The following PPP1R12B variants were observed in gnomAD, a reference collection of about 807,000 sequenced individuals.
PPP1R12B encodes the protein myosin phosphatase target subunit 2.
PPP1R12B carries 76 observed loss-of-function variants against 126.1 expected under a neutral mutation model. The observed-to-expected ratio is 0.60, with a 90% CI of 0.50 to 0.73. PPP1R12B has a LOEUF of 0.73. PPP1R12B is among the 30% of genes least tolerant of loss of function. The pLI, the probability that PPP1R12B is intolerant of heterozygous loss-of-function variation, is 0.00. For missense variants in PPP1R12B, 1,052 were observed against 1,205.1 expected (o/e 0.87, Z 1.88); for synonymous variants, 356 against 434.7 (o/e 0.82, Z 2.25).
intron 13 of PPP1R12B, among the ~76,000 whole-genome samples, chr1:202,481,104 C>T (rs563215241): frequency 2.0e-5 from 3 of 152,300 alleles, no homozygotes; most frequent in East Asian, 1.9e-4. Flanking sequence ...ATAGGGTTCA[C>T]GTCCCTATGA....
chr1:202,451,737 G>A (rs1441657424), intron 13 of PPP1R12B, among the ~76,000 whole-genome samples: 1 of 151,958 alleles, frequency 6.6e-6, no homozygotes, highest in Admixed American at 6.5e-5. Context: ...TCACTTCCCA[G>A]TAGGGGCGGC....
intron 18 of PPP1R12B, among the ~76,000 whole-genome samples, chr1:202,555,368 C>T (rs1190571276): frequency 2.1e-5 from 2 of 97,392 alleles, no homozygotes; most frequent in African/African-American, 3.7e-5. Context: ...GTTTCGTCAC[C>T]ATAGAGGCAG....
rs114161303 is a variant in PPP1R12B, at chr1:202,499,271, T to C, written c.2490+2449T>C. ...CCAGCAGTAATATTTAATTTTTTTT[T>C]TGAGACAGGGTCTTGCTCTTTCGCC... On this transcript the variant is annotated intron_variant, in intron 18 of 23. Transcript: ENST00000608999. 7.0e-3 allele frequency among the ~76,000 whole-genome samples: 1,073 copies of C among 152,306 alleles called. 17 individuals carry two copies. Among genetic ancestry groups the C allele is most frequent in the African/African-American group, 0.024 (1,005 of 41,558 alleles).
At chr1:202,354,038 C>T (rs1178164179) in intron 1 of PPP1R12B, among the ~76,000 whole-genome samples, 4 of 152,046 alleles carry the variant, frequency 2.6e-5, no homozygotes, top group Admixed American at 2.0e-4. Context: ...CACAATTCTG[C>T]CAAAGGTAAG....
intron 12 of PPP1R12B, among the ~76,000 whole-genome samples, chr1:202,446,256 A>ATATATAT (rs376183502): frequency 2.0e-4 from 11 of 54,338 alleles, no homozygotes; most frequent in South Asian, 1.0e-3. Context: ...ATATATATAT[A>ATATATAT]TTTTTTTTTT....
intron 15 of PPP1R12B, among the ~76,000 whole-genome samples, chr1:202,493,734 A>T (rs1202742427): frequency 6.6e-6 from 1 of 152,178 alleles, no homozygotes; most frequent in Non-Finnish European, 1.5e-5. Flanking sequence ...TCTATTTTAT[A>T]TATGAGGAAA....
At chr1:202,423,595 T>C (rs953395801) in intron 3 of PPP1R12B, among the ~76,000 whole-genome samples, 1 of 152,232 alleles carries the variant, frequency 6.6e-6, no homozygotes, top group African/African-American at 2.4e-5. Flanking sequence ...AGTATGCTGA[T>C]CCTACCTTAA....
chr1:202,444,943 G>A, intron 12 of PPP1R12B: 1 of 992,556 alleles, frequency 1.0e-6, no homozygotes, highest in Non-Finnish European at 1.3e-6. Context: ...CCTTTCTTTG[G>A]TCTATATTCA....
intron 1 of PPP1R12B, among the ~76,000 whole-genome samples, chr1:202,386,261 A>G (rs2148505995): frequency 6.6e-6 from 1 of 151,746 alleles, no homozygotes; most frequent in East Asian, 2.0e-4. Flanking sequence ...TAAAAAATAC[A>G]TGGCTAACTT....
At chr1:202,556,086 G>T (rs1686901352) in intron 18 of PPP1R12B, among the ~76,000 whole-genome samples, 1 of 152,114 alleles carries the variant, frequency 6.6e-6, no homozygotes, top group African/African-American at 2.4e-5. Context: ...ACGTTGGCCA[G>T]GTTGGTCTCG....
intron 1 of PPP1R12B, among the ~76,000 whole-genome samples, chr1:202,416,219 A>C (rs1228488978): frequency 6.6e-6 from 1 of 152,210 alleles, no homozygotes; most frequent in East Asian, 1.9e-4. Context: ...TCCTAATAAT[A>C]CTATAAATAA....
At position 202,580,595 on chromosome 1, in the gene PPP1R12B, A is replaced by C; in HGVS notation, c.*35A>C. Reference sequence around the variant, plus strand: ...CAGATTTATGAGGAAAGAAAGGGACAGCATTTGCTGCCCCCACCCCTCTTT... The same window carrying C: ...CAGATTTATGAGGAAAGAAAGGGACCGCATTTGCTGCCCCCACCCCTCTTT... On this transcript the variant is annotated 3_prime_UTR_variant, in exon 24 of 24. Transcript: ENST00000608999. 6.5e-7 allele frequency: 1 copy of C among 1,544,476 alleles called. No homozygotes were observed. The highest frequency in any genetic ancestry group is 9.0e-7 in the Non-Finnish European group (1 of 1,116,680).
chr1:202,464,120 C>T (rs1674675990), intron 13 of PPP1R12B, among the ~76,000 whole-genome samples: 1 of 152,150 alleles, frequency 6.6e-6, no homozygotes, highest in African/African-American at 2.4e-5. Context: ...ACCTGAGCCC[C>T]AGGCTAAAAC....
At chr1:202,429,840 T>C (rs959410924) in intron 6 of PPP1R12B, among the ~76,000 whole-genome samples, 3 of 152,180 alleles carry the variant, frequency 2.0e-5, no homozygotes, top group Admixed American at 6.5e-5. Flanking sequence ...ATGGGACAGA[T>C]CAACCATACC....
In PPP1R12B at chr1:202,505,866, A is replaced by T. The variant is rs547095402; in HGVS notation, c.2490+9044A>T. 3.0e-3 allele frequency among the ~76,000 whole-genome samples: 459 copies of T among 151,820 alleles called. 4 individuals are homozygous for T. Among genetic ancestry groups the T allele is most frequent in the African/African-American group, 9.4e-3 (388 of 41,452 alleles). ...CCTGTTTAGGCAGATTTTTTTTTTTAAAAGGGAAAGATAGCTCGTCCCCAG... is the reference window on the plus strand; with the variant it reads ...CCTGTTTAGGCAGATTTTTTTTTTTTAAAGGGAAAGATAGCTCGTCCCCAG... On this transcript the variant is annotated intron_variant, in intron 18 of 23. Transcript: ENST00000608999.
rs931443042 is a variant in PPP1R12B, at chr1:202,591,345, C to T, written c.*10785C>T. 1 of 151,858 alleles carries T rather than the reference C, an allele frequency of 6.6e-6. No homozygotes were observed. Among genetic ancestry groups the T allele is most frequent in the Non-Finnish European group, 1.5e-5 (1 of 67,752 alleles). 9.4% of individuals were successfully genotyped at this position (151,858 alleles called of 1,614,324 possible). On this transcript the variant is annotated 3_prime_UTR_variant, in exon 24 of 24. Coordinates refer to ENST00000608999, the MANE Select transcript of PPP1R12B (RefSeq NM_002481.4). ...TGCCAGGCCTGAGGCATCCTGGGCT[C>T]TTCCCATGCAGTACTGCCCTCAGGT...
chr1:202,439,463 C>A, intron 10 of PPP1R12B: 1 of 1,439,492 alleles, frequency 6.9e-7, no homozygotes, highest in Non-Finnish European at 9.6e-7. Context: ...CCGCCAAGTG[C>A]CCCGGCAAGG....
At chr1:202,556,575 T>A (rs145655892) in intron 18 of PPP1R12B, among the ~76,000 whole-genome samples, 1 of 152,362 alleles carries the variant, frequency 6.6e-6, no homozygotes, top group African/African-American at 2.4e-5. Flanking sequence ...TGTGTGTTTC[T>A]CTAATATGAT....
At chr1:202,390,542 A>G (rs1172213484) in intron 1 of PPP1R12B, among the ~76,000 whole-genome samples, 1 of 152,216 alleles carries the variant, frequency 6.6e-6, no homozygotes, top group African/African-American at 2.4e-5. Flanking sequence ...TCTGTTGCCC[A>G]GGCTGGAGTG....
Sources: allele counts gnomAD v4.1 joint callset (sites outside exome capture counted in the v4.1 genomes callset), GRCh38; gene constraint gnomAD v4.1.1; transcripts MANE v1.5; gene names NCBI Gene and HGNC (gene_info 2026-07-23, HGNC 2026-07-21).